Variants in RBFOX1 observed in about 807,000 individuals in gnomAD.
The protein encoded by RBFOX1 is RNA binding fox-1 homolog 1, also known as RNA binding protein fox-1 homolog 1.
Under a neutral mutation model 57.7 loss-of-function variants are expected in RBFOX1, and 8 were observed. The observed-to-expected ratio is 0.14, with a 90% CI of 0.08 to 0.25. RBFOX1 has a LOEUF of 0.25. Among genes scored for constraint, RBFOX1 ranks in the 10% least tolerant of loss-of-function variants. The probability of loss-of-function intolerance (pLI) is 1.00; values close to 1 mark genes in which losing one functional copy is unlikely to be tolerated. For synonymous variants in RBFOX1, 326 were observed against 222.4 expected, an observed-to-expected ratio of 1.47 and a Z score of -4.15; for missense variants, 611 against 548.5, an observed-to-expected ratio of 1.11 and a Z score of -1.14.
chr16:6,035,488 C>G (rs1596552680), intron 1 of RBFOX1, among the ~76,000 whole-genome samples: 1 of 151,946 alleles, frequency 6.6e-6, no homozygotes, highest in East Asian at 2.0e-4. Flanking sequence ...TAGAAACGTC[C>G]TTGAAAAATT....
chr16:5,286,164 G>T (rs1275364492), intron 1 of RBFOX1, among the ~76,000 whole-genome samples: 1 of 152,146 alleles, frequency 6.6e-6, no homozygotes, highest in East Asian at 1.9e-4. Flanking sequence ...AGTGGTGGTG[G>T]ACCAGGTGTG....
chr16:7,388,749 C>G (rs1016757014), intron 4 of RBFOX1, among the ~76,000 whole-genome samples: 4 of 138,548 alleles, frequency 2.9e-5, no homozygotes, highest in East Asian at 2.3e-4. Flanking sequence ...ATATTCAATA[C>G]TATTATAAAA....
At chr16:6,681,924 A>G (rs903752454) in intron 3 of RBFOX1, among the ~76,000 whole-genome samples, 1 of 152,134 alleles carries the variant, frequency 6.6e-6, no homozygotes, top group Admixed American at 6.5e-5. Context: ...AAAGTCAAGT[A>G]TGTCCCTTAA....
intron 2 of RBFOX1, among the ~76,000 whole-genome samples, chr16:6,601,371 A>G (rs2097850870): frequency 6.6e-6 from 1 of 152,100 alleles, no homozygotes; most frequent in African/African-American, 2.4e-5. Context: ...TTTAATGGAG[A>G]TGAAGGTGAG....
At chr16:6,501,218 C>T (rs577285782) in intron 2 of RBFOX1, among the ~76,000 whole-genome samples, 2 of 148,524 alleles carry the variant, frequency 1.3e-5, no homozygotes, top group East Asian at 4.0e-4. Context: ...TATACATGTG[C>T]CATGTTGGTG....
At chr16:5,298,818 G>A (rs2063738620) in intron 1 of RBFOX1, among the ~76,000 whole-genome samples, 1 of 40,592 alleles carries the variant, frequency 2.5e-5, no homozygotes, top group South Asian at 7.8e-4. Flanking sequence ...GAGAAACAAA[G>A]GAAAAGAGGC....
At chr16:6,062,120 G>A (rs1212219429) in intron 1 of RBFOX1, among the ~76,000 whole-genome samples, 4 of 152,190 alleles carry the variant, frequency 2.6e-5, no homozygotes, top group African/African-American at 9.7e-5. Flanking sequence ...ATGGGGCTGA[G>A]CATGTGGATA....
chr16:7,328,171 T>C (rs1217068857), intron 4 of RBFOX1, among the ~76,000 whole-genome samples: 2 of 152,054 alleles, frequency 1.3e-5, no homozygotes, highest in Non-Finnish European at 2.9e-5. Context: ...GCCCAGCTTA[T>C]GTTAGCTGTT....
At chr16:7,273,188 C>CCCTT (rs1313541893) in intron 4 of RBFOX1, among the ~76,000 whole-genome samples, 2 of 121,398 alleles carry the variant, frequency 1.6e-5, no homozygotes, top group Non-Finnish European at 3.4e-5. Context: ...CTTCCTTCCT[C>CCCTT]CCTTCCTTCC....
intron 3 of RBFOX1, among the ~76,000 whole-genome samples, chr16:6,680,080 T>C (rs1326488299): frequency 4.6e-5 from 7 of 152,072 alleles, no homozygotes; most frequent in Admixed American, 1.3e-4. Context: ...TCTGAAGAGA[T>C]TGGCAACTTG....
intron 4 of RBFOX1, among the ~76,000 whole-genome samples, chr16:5,869,581 T>C (rs1227277338): frequency 1.3e-5 from 2 of 152,102 alleles, no homozygotes; most frequent in Non-Finnish European, 1.5e-5. Context: ...TTTGTATTTT[T>C]AGTAGAGATG....
At chr16:7,140,233 A>C (rs1262374203) in intron 4 of RBFOX1, among the ~76,000 whole-genome samples, 1 of 131,798 alleles carries the variant, frequency 7.6e-6, no homozygotes, top group Non-Finnish European at 1.6e-5. Flanking sequence ...TTCTGAATGG[A>C]CAAATAAATT....
In RBFOX1 at chr16:5,454,914, C is replaced by A. The variant is rs576097449; in HGVS notation, c.220-12302C>A. Among the ~76,000 whole-genome samples, 7 of 55,806 alleles carry A rather than the reference C, an allele frequency of 1.3e-4. No individual in the cohort carries two copies. In the East Asian group the frequency reaches 2.7e-3, roughly 22 times the overall value. 36.6% of individuals were successfully genotyped at this position (55,806 alleles called of 152,430 possible). On this transcript the variant is annotated intron_variant, in intron 1 of 2. Coordinates refer to the RBFOX1 transcript ENST00000585867. ...TCTTTCTTTCTTTCTTTCTTTCTTT[C>A]CTTTGTTTCTTTCTTCCTTCCTTCC...
intron 3 of RBFOX1, among the ~76,000 whole-genome samples, chr16:5,715,696 A>G (rs766888753): frequency 3.3e-5 from 5 of 152,192 alleles, no homozygotes; most frequent in Non-Finnish European, 7.3e-5. Context: ...GTTTCTCAGG[A>G]AAGCAAGCAA....
intron 3 of RBFOX1, among the ~76,000 whole-genome samples, chr16:6,958,317 C>T (rs1355980285): frequency 6.6e-6 from 1 of 152,172 alleles, no homozygotes; most frequent in Non-Finnish European, 1.5e-5. Flanking sequence ...TCAAAATACA[C>T]ATTAGAACTT....
chr16:5,262,696 T>G (rs12932397), intron 1 of RBFOX1, among the ~76,000 whole-genome samples: 29,438 of 152,138 alleles, frequency 0.19, 3,320 homozygotes, highest in African/African-American at 0.31. Flanking sequence ...TTATATTAGA[T>G]AAGAGGATGA....
intron 3 of RBFOX1, among the ~76,000 whole-genome samples, chr16:7,047,729 T>C (rs1424392898): frequency 8.8e-5 from 12 of 136,716 alleles, no homozygotes; most frequent in African/African-American, 2.8e-4. Flanking sequence ...TTTTTTTTTT[T>C]TTTTTTTTTT....
intron 2 of RBFOX1, among the ~76,000 whole-genome samples, chr16:5,591,016 A>AT (rs79854783): frequency 0.054 from 7,543 of 140,948 alleles, 196 homozygotes; most frequent in African/African-American, 0.061. Context: ...TGAGCTAAAC[A>AT]TTTTTTTTTT....
At chr16:6,261,067 A>G (rs972349113) in intron 1 of RBFOX1, among the ~76,000 whole-genome samples, 2 of 152,160 alleles carry the variant, frequency 1.3e-5, no homozygotes, top group Admixed American at 6.5e-5. Flanking sequence ...ATAACTTGCA[A>G]TGTGTTAAAC....
Sources: gnomAD v4.1 joint callset for allele counts (sites outside exome capture counted in the v4.1 genomes callset) on GRCh38, gnomAD v4.1.1 for gene constraint, MANE v1.5 for transcripts, NCBI Gene and HGNC (gene_info 2026-07-23, HGNC 2026-07-21) for gene names.